The following TOX variants were observed in gnomAD, a reference collection of about 807,000 sequenced individuals.
The protein encoded by TOX is thymocyte selection-associated high mobility group box protein TOX.
Under a neutral mutation model 53.7 loss-of-function variants are expected in TOX, and 11 were observed. The ratio of observed to expected loss-of-function variants is 0.20; its 90% CI spans 0.13 to 0.34. TOX has a LOEUF of 0.34. Ranked by LOEUF, TOX falls within the 10% of genes least tolerant of loss-of-function variation. The pLI is 1.00. For synonymous variants in TOX, 225 were observed against 245.3 expected, an observed-to-expected ratio of 0.92 and a Z score of 0.77; for missense variants, 570 against 664.6, an observed-to-expected ratio of 0.86 and a Z score of 1.56.
At chr8:59,077,581 G>A (rs1361230448) in intron 1 of TOX, among the ~76,000 whole-genome samples, 2 of 152,100 alleles carry the variant, frequency 1.3e-5, no homozygotes, top group Non-Finnish European at 2.9e-5. Flanking sequence ...GCCCCCTTCT[G>A]TTGTGTTCTC....
chr8:59,042,931 A>G (rs944983152), intron 1 of TOX, among the ~76,000 whole-genome samples: 1 of 129,734 alleles, frequency 7.7e-6, no homozygotes, highest in Non-Finnish European at 1.9e-5. Flanking sequence ...CTCACATAGC[A>G]TTTTTCGTGA....
intron 3 of TOX, among the ~76,000 whole-genome samples, chr8:58,929,230 A>G (rs1289056494): frequency 6.6e-6 from 1 of 152,122 alleles, no homozygotes; most frequent in Non-Finnish European, 1.5e-5. Context: ...GAAAGAAAAA[A>G]AGACACGCTC....
At chr8:58,854,051 G>C (rs970489868) in intron 3 of TOX, among the ~76,000 whole-genome samples, 1 of 152,110 alleles carries the variant, frequency 6.6e-6, no homozygotes, top group Non-Finnish European at 1.5e-5. Context: ...TATCCTACAG[G>C]GGGGCAGTCT....
Position 58,815,623 on chromosome 8 carries a change from C to T in TOX, c.1107G>A (p.Leu369=), listed in dbSNP as rs753780004. 1.1e-5 allele frequency: 17 copies of T among 1,613,986 alleles called. No individual in the cohort carries two copies. In the East Asian group the frequency reaches 3.8e-4, roughly 36 times the overall value. The change falls in exon 7 of 9, where the codon CTG becomes CTA. Residue 369 remains leucine, a synonymous_variant. Transcript: ENST00000361421. ...FHGPSQAHSA[L]YLSSHYHQQP... ...GTTGGTGATAGTGGGAACTTAGGTA[C>T]AGGGCCGAGTGGGCCTGGCTGGGCC...
At chr8:58,811,994 G>A (rs1038322364) in intron 7 of TOX, among the ~76,000 whole-genome samples, 5 of 152,064 alleles carry the variant, frequency 3.3e-5, no homozygotes, top group Non-Finnish European at 7.4e-5. Context: ...TGCTGTTAAC[G>A]TTCTTCTCTC....
At chr8:58,871,290 T>G (rs1811192957) in intron 3 of TOX, among the ~76,000 whole-genome samples, 1 of 152,036 alleles carries the variant, frequency 6.6e-6, no homozygotes, top group Non-Finnish European at 1.5e-5. Context: ...AAAGGGGGCT[T>G]TTTTAGGGTG....
chr8:58,973,224 C>T (rs1334370367), intron 1 of TOX, among the ~76,000 whole-genome samples: 1 of 152,170 alleles, frequency 6.6e-6, no homozygotes, highest in African/African-American at 2.4e-5. Flanking sequence ...AAATATGCCA[C>T]GTCTAATATT....
At chr8:58,996,984 T>C (rs1166199224) in intron 1 of TOX, among the ~76,000 whole-genome samples, 1 of 152,230 alleles carries the variant, frequency 6.6e-6, no homozygotes, top group South Asian at 2.1e-4. Context: ...GTTGATTTCC[T>C]ACCTAAGTAG....
intron 1 of TOX, among the ~76,000 whole-genome samples, chr8:59,111,886 AG>A (rs1271612947): frequency 7.9e-5 from 12 of 152,226 alleles, no homozygotes; most frequent in Non-Finnish European, 1.2e-4. Context: ...ACTTGGCTAA[AG>A]CAGAACCATT....
chr8:58,831,112 C>T (rs1043884717), intron 5 of TOX, among the ~76,000 whole-genome samples: 4 of 152,148 alleles, frequency 2.6e-5, no homozygotes, highest in African/African-American at 9.7e-5. Context: ...ATGTGACAAA[C>T]ATCTTGCTAT....
chr8:59,073,027 C>T (rs544996102), intron 1 of TOX, among the ~76,000 whole-genome samples: 1 of 152,166 alleles, frequency 6.6e-6, no homozygotes, highest in Non-Finnish European at 1.5e-5. Flanking sequence ...AATTCTCTCA[C>T]ATTTTTGCTG....
intron 3 of TOX, among the ~76,000 whole-genome samples, chr8:58,880,198 C>T (rs1811360191): frequency 6.6e-6 from 1 of 152,156 alleles, no homozygotes; most frequent in Non-Finnish European, 1.5e-5. Context: ...CAAGTTGGTC[C>T]TATCTGCCTG....
chr8:58,818,269 A>G (rs552926354), intron 6 of TOX, among the ~76,000 whole-genome samples: 2 of 152,302 alleles, frequency 1.3e-5, no homozygotes, highest in South Asian at 4.1e-4. Flanking sequence ...TAGAATAACT[A>G]TTGGCAAACT....
intron 3 of TOX, among the ~76,000 whole-genome samples, chr8:58,885,910 CACA>C (rs1383478308): frequency 6.6e-6 from 1 of 152,096 alleles, no homozygotes. Flanking sequence ...GTAGGGAATT[CACA>C]ACAACAGGGG....
chr8:59,042,551 A>C (rs948524148), intron 1 of TOX, among the ~76,000 whole-genome samples: 2 of 152,220 alleles, frequency 1.3e-5, no homozygotes, highest in African/African-American at 4.8e-5. Flanking sequence ...AGTATCACAC[A>C]ACAGGTTCTC....
rs116899978 is a variant in TOX at position 59,040,847 on chromosome 8, C to T, written c.102+78039G>A. On this transcript the variant is annotated intron_variant, in intron 1 of 8. Transcript: ENST00000361421. ...CCGCCTCTCTGACCCTCCCACTCCC[C>T]TCACTGGTCCTTTCTTCCTGGCTCC... is the stretch of plus-strand genomic sequence containing the variant. 5.4e-4 allele frequency among the ~76,000 whole-genome samples: 83 copies of T among 152,346 alleles called. 1 individual carries two copies. The East Asian group carries it at 0.016, about 29-fold the overall frequency.
At chr8:58,822,060 A>G (rs918154515) in intron 6 of TOX, among the ~76,000 whole-genome samples, 1 of 152,146 alleles carries the variant, frequency 6.6e-6, no homozygotes, top group Admixed American at 6.5e-5. Flanking sequence ...GAGGCCTCCA[A>G]TCCTTATTTA....
chr8:58,872,160 A>G (rs143944706), intron 3 of TOX, among the ~76,000 whole-genome samples: 2,795 of 152,238 alleles, frequency 0.018, 41 homozygotes, highest in Middle Eastern at 0.058. Context: ...AAAAATACAT[A>G]CAAGAGCCAC....
chr8:59,032,498 G>A (rs1157597853), intron 1 of TOX, among the ~76,000 whole-genome samples: 1 of 152,098 alleles, frequency 6.6e-6, no homozygotes, highest in Non-Finnish European at 1.5e-5. Context: ...CTGGTGCCTT[G>A]GAACTTCTGC....
Sources: gnomAD v4.1 joint callset for allele counts (sites outside exome capture counted in the v4.1 genomes callset) on GRCh38, gnomAD v4.1.1 for gene constraint, MANE v1.5 for transcripts, NCBI Gene and HGNC (gene_info 2026-07-23, HGNC 2026-07-21) for gene names.